The following RHEB variants were observed in gnomAD, a reference collection of about 807,000 sequenced individuals.
RHEB encodes the protein GTP-binding protein Rheb.
In RHEB, 2 loss-of-function variants were observed where a neutral mutation model predicts 28.8. The ratio of observed to expected loss-of-function variants is 0.07; its 90% CI spans 0.03 to 0.22. The LOEUF is 0.22. RHEB is among the 10% of genes least tolerant of loss of function. RHEB has a pLI of 1.00. For missense variants in RHEB, 76 were observed against 219.9 expected (o/e 0.35, Z 4.14); for synonymous variants, 69 against 77.3 (o/e 0.89, Z 0.56).
intron 1 of RHEB, among the ~76,000 whole-genome samples, chr7:151,514,031 G>A (rs879528582): frequency 4.6e-5 from 7 of 152,244 alleles, no homozygotes; most frequent in East Asian, 1.9e-4. Context: ...AATCAAGATC[G>A]TATGGTACTG....
At chr7:151,494,771 C>G (rs1463351814) in intron 1 of RHEB, among the ~76,000 whole-genome samples, 1 of 152,192 alleles carries the variant, frequency 6.6e-6, no homozygotes, top group Non-Finnish European at 1.5e-5. Context: ...GGGGCTCTCC[C>G]GCCAAGGTGA....
intron 3 of RHEB, among the ~76,000 whole-genome samples, chr7:151,483,168 T>C (rs550366676): frequency 3.9e-5 from 6 of 152,224 alleles, no homozygotes; most frequent in Admixed American, 2.6e-4. Flanking sequence ...GCTTCCAAAA[T>C]GGAAACCTCA....
Position 151,472,961 on chromosome 7 carries a change from G to C in RHEB, c.276-1356C>G, listed in dbSNP as rs1802189595. 6.6e-6 allele frequency among the ~76,000 whole-genome samples: 1 copy of C among 152,174 alleles called. No homozygotes were observed. Among genetic ancestry groups the C allele is most frequent in the South Asian group, 2.1e-4 (1 of 4,820 alleles). ...ATGCTGTATTTGCCTATCTTTAAAA[G>C]TGTCGCCACTTGGGCAAAAATACAG... On this transcript the variant is annotated intron_variant, in intron 4 of 7. Transcript: ENST00000262187. The surrounding 1 kb of genome is among the most constrained non-coding windows in gnomAD (Gnocchi z 5.2).
chr7:151,470,862 A>T (rs921171547), intron 6 of RHEB, among the ~76,000 whole-genome samples: 1 of 152,190 alleles, frequency 6.6e-6, no homozygotes, highest in Non-Finnish European at 1.5e-5. Context: ...GCTTTATGGG[A>T]TTATCCATGC....
chr7:151,506,656 T>C (rs376989866), intron 1 of RHEB, among the ~76,000 whole-genome samples: 15 of 152,188 alleles, frequency 9.9e-5, no homozygotes, highest in African/African-American at 3.4e-4. Flanking sequence ...AAAGATGACA[T>C]ACAGTAACTA....
chr7:151,493,522 T>G (rs1802622345), intron 1 of RHEB, among the ~76,000 whole-genome samples: 1 of 152,248 alleles, frequency 6.6e-6, no homozygotes, highest in Non-Finnish European at 1.5e-5. Context: ...CGACACATTG[T>G]AAACATTGAG....
At chr7:151,486,760 G>A (rs1802483001) in intron 2 of RHEB, among the ~76,000 whole-genome samples, 1 of 152,138 alleles carries the variant, frequency 6.6e-6, no homozygotes, top group Non-Finnish European at 1.5e-5. Context: ...ATCTATAGAG[G>A]GTGACACTGG....
intron 1 of RHEB, among the ~76,000 whole-genome samples, chr7:151,506,161 GA>G (rs1802874421): frequency 6.6e-6 from 1 of 150,616 alleles, no homozygotes. Flanking sequence ...AGGAAAAAAA[GA>G]TTTTTTTTAA....
At chr7:151,495,217 G>A (rs1388212291) in intron 1 of RHEB, among the ~76,000 whole-genome samples, 5 of 152,160 alleles carry the variant, frequency 3.3e-5, no homozygotes, top group African/African-American at 1.2e-4. Context: ...TTGGAAAAAT[G>A]TTACATGAAA....
At chr7:151,497,604 A>T (rs1196241499) in intron 1 of RHEB, among the ~76,000 whole-genome samples, 1 of 152,090 alleles carries the variant, frequency 6.6e-6, no homozygotes, top group Non-Finnish European at 1.5e-5. Context: ...TGAGGACGGC[A>T]CTCGCAATGT....
intron 1 of RHEB, among the ~76,000 whole-genome samples, chr7:151,499,353 T>C (rs984354599): frequency 6.6e-6 from 1 of 152,016 alleles, no homozygotes; most frequent in Non-Finnish European, 1.5e-5. Context: ...AGTGAAACTC[T>C]ATAAAAAACG....
In RHEB at chr7:151,472,401, T is replaced by G. The variant is rs1802178260; in HGVS notation, c.276-796A>C. On this transcript the variant is annotated intron_variant, in intron 4 of 7. Transcript: ENST00000262187. The surrounding 1 kb of genome is among the most constrained non-coding windows in gnomAD (Gnocchi z 5.2). ...GGACTCTGCTGCAGCAGATGGACGGTGCCTGGTTCAACATCCTCTGATGGG... is the reference window on the plus strand; with the variant it reads ...GGACTCTGCTGCAGCAGATGGACGGGGCCTGGTTCAACATCCTCTGATGGG... Among the ~76,000 whole-genome samples the G allele has an allele frequency of 6.6e-6, 1 of 152,176 alleles. No individual in the cohort carries two copies. Among genetic ancestry groups the G allele is most frequent in the Non-Finnish European group, 1.5e-5 (1 of 68,044 alleles).
intron 1 of RHEB, among the ~76,000 whole-genome samples, chr7:151,495,368 C>G (rs1802654883): frequency 6.6e-6 from 1 of 152,220 alleles, no homozygotes; most frequent in Admixed American, 6.5e-5. Flanking sequence ...CTACAATTAA[C>G]TGTCAAATAC....
rs939758625 is a variant in RHEB, at chr7:151,519,890, C to T, written c.-379G>A. On this transcript the variant is annotated 5_prime_UTR_variant, in exon 1 of 8. Coordinates refer to ENST00000262187, the MANE Select transcript of RHEB (RefSeq NM_005614.4). ...CGACTGAAACTCGCTGCGTCATGACCCTCCCACCTTCTTCCGCCGCTTTTT... is the reference window on the plus strand; with the variant it reads ...CGACTGAAACTCGCTGCGTCATGACTCTCCCACCTTCTTCCGCCGCTTTTT... 3.9e-5 allele frequency: 7 copies of T among 180,900 alleles called. No homozygotes were observed. Among genetic ancestry groups the T allele is most frequent in the African/African-American group, 1.2e-4 (5 of 42,426 alleles). 11.2% of individuals were successfully genotyped at this position (180,900 alleles called of 1,614,324 possible). A position where few individuals can be genotyped will look rare whatever the true frequency, so the allele number is the denominator to read the frequency against.
intron 3 of RHEB, among the ~76,000 whole-genome samples, chr7:151,479,740 G>C (rs1444269446): frequency 6.6e-6 from 1 of 150,862 alleles, no homozygotes; most frequent in Non-Finnish European, 1.5e-5. Flanking sequence ...AGTTCTTCAT[G>C]GCTGCAAACC....
At position 151,472,890 on chromosome 7, in the gene RHEB, G is replaced by A. The variant is rs1164416445; in HGVS notation, c.276-1285C>T. Reference sequence around the variant, plus strand: ...GTGGGTCAACAAATGGGATATGGGTGTCCTAAGGACCTGCGGTTGCATTAC... The same window carrying A: ...GTGGGTCAACAAATGGGATATGGGTATCCTAAGGACCTGCGGTTGCATTAC... On this transcript the variant is annotated intron_variant, in intron 4 of 7. Coordinates refer to ENST00000262187, the MANE Select transcript of RHEB (RefSeq NM_005614.4). This position sits in a 1 kb window ranked among gnomAD's most constrained non-coding sequence, Gnocchi z 5.2. 6.6e-6 allele frequency among the ~76,000 whole-genome samples: 1 copy of A among 152,234 alleles called. No individual in the cohort carries two copies. Among genetic ancestry groups the A allele is most frequent in the Non-Finnish European group, 1.5e-5 (1 of 68,042 alleles).
intron 1 of RHEB, among the ~76,000 whole-genome samples, chr7:151,500,958 T>C (rs1441489570): frequency 6.6e-6 from 1 of 152,076 alleles, no homozygotes; most frequent in Non-Finnish European, 1.5e-5. Context: ...CATACCAGCC[T>C]GGGTGACGGA....
intron 3 of RHEB, among the ~76,000 whole-genome samples, chr7:151,483,073 G>A (rs1312730732): frequency 2.6e-5 from 4 of 152,194 alleles, no homozygotes; most frequent in African/African-American, 9.7e-5. Context: ...ACCACCAGCA[G>A]GGAGTGTGTA....
At chr7:151,516,626 A>C (rs1222776728) in intron 1 of RHEB, among the ~76,000 whole-genome samples, 1 of 149,506 alleles carries the variant, frequency 6.7e-6, no homozygotes, top group South Asian at 2.1e-4. Flanking sequence ...CTGTCACAAA[A>C]AAAAAAAAAA....
Sources: gnomAD v4.1 joint callset for allele counts (sites outside exome capture counted in the v4.1 genomes callset) on GRCh38, gnomAD v4.1.1 for gene constraint, Gnocchi (gnomAD v3.1) non-coding constraint, MANE v1.5 for transcripts, NCBI Gene and HGNC (gene_info 2026-07-23, HGNC 2026-07-21) for gene names.